The following PDPN variants were observed in gnomAD, a reference collection of about 807,000 sequenced individuals.
PDPN encodes PA2.26 antigen.
A neutral mutation model predicts 23.2 loss-of-function variants in PDPN; 12 were observed. The observed-to-expected ratio is 0.52, with a 90% CI of 0.33 to 0.84. PDPN has a LOEUF of 0.84. Among genes scored for constraint, PDPN ranks in the 40% least tolerant of loss-of-function variants. The pLI, the probability that PDPN is intolerant of heterozygous loss-of-function variation, is 0.02. For missense variants in PDPN, 199 were observed against 212.2 expected (o/e 0.94, Z 0.39); for synonymous variants, 77 against 76.7 (o/e 1.00, Z -0.02).
chr1:13,586,335 G>C (rs1488911692), intron 1 of PDPN, among the ~76,000 whole-genome samples: 1 of 152,298 alleles, frequency 6.6e-6, no homozygotes, highest in African/African-American at 2.4e-5. Flanking sequence ...GATCAGGTCT[G>C]TTAGAGGCTT....
rs529239760 is a variant in PDPN at position 13,608,100 on chromosome 1, C to T, written c.201+794C>T. The stretch of plus-strand genomic sequence containing the variant: ...AGCCTGGGCAACGAGAGTGAAACTC[C>T]GCCTCAAAAAATAAATAAATAAATA... On this transcript the variant is annotated intron_variant, in intron 2 of 5. Transcript: ENST00000621990. Among the ~76,000 whole-genome samples, 46 of 151,516 alleles carry T rather than the reference C, an allele frequency of 3.0e-4. 1 individual carries two copies. The highest frequency in any genetic ancestry group is 1.9e-3 in the South Asian group (9 of 4,790).
In PDPN at chr1:13,583,916, G is replaced by C. The variant is rs1221765222; in HGVS notation, c.-118G>C. 1.2e-6 allele frequency: 2 copies of C among 1,612,138 alleles called. No individual in the cohort carries two copies. The highest frequency in any genetic ancestry group is 2.2e-5 in the East Asian group (1 of 44,882). On this transcript the variant is annotated 5_prime_UTR_variant, in exon 1 of 6. Coordinates refer to ENST00000621990, the MANE Select transcript of PDPN (RefSeq NM_006474.5). ...CCGGGGCTCCTGCTCCCACCCCTCC[G>C]GCCCCCCCACCGTCGCGCTCCTCCA...
intron 1 of PDPN, among the ~76,000 whole-genome samples, chr1:13,596,997 T>C (rs1455865147): frequency 2.6e-5 from 4 of 152,212 alleles, no homozygotes; most frequent in African/African-American, 9.6e-5. Flanking sequence ...ATTTTCAGGC[T>C]TCTGGGCTCA....
In PDPN at chr1:13,609,915, T is replaced by G. The variant is rs189759771; in HGVS notation, c.202-472T>G. ...CCCCATCTCTACTAAATATAGAAAA[T>G]TAGCTGGGTGTGGTGGCGGGCGCCT... On this transcript the variant is annotated intron_variant, in intron 2 of 5. Transcript: ENST00000621990. Among the ~76,000 whole-genome samples, 658 of 151,576 alleles carry G rather than the reference T, an allele frequency of 4.3e-3. 5 individuals carry two copies. The highest frequency in any genetic ancestry group is 0.024 in the Middle Eastern group (7 of 294).
intron 1 of PDPN, among the ~76,000 whole-genome samples, chr1:13,591,341 G>A (rs549090399): frequency 6.6e-6 from 1 of 152,248 alleles, no homozygotes; most frequent in South Asian, 2.1e-4. Context: ...ATATTCACAC[G>A]TTTAAATTGA....
At chr1:13,585,733 G>T (rs1305401124) in intron 1 of PDPN, 69 of 1,001,218 alleles carry the variant, frequency 6.9e-5, no homozygotes, top group Non-Finnish European at 9.5e-5. Flanking sequence ...GGCTGGCTGA[G>T]TGAGGGTGGG....
intron 3 of PDPN, among the ~76,000 whole-genome samples, chr1:13,611,634 G>C (rs1640938125): frequency 2.0e-5 from 3 of 152,174 alleles, no homozygotes; most frequent in Non-Finnish European, 2.9e-5. Context: ...AGATGAAAGG[G>C]GTTCAGGAGG....
At chr1:13,606,455 T>C (rs1259900418) in intron 1 of PDPN, among the ~76,000 whole-genome samples, 1 of 152,208 alleles carries the variant, frequency 6.6e-6, no homozygotes. Flanking sequence ...CCTGTGGTTC[T>C]AATTGTCCAA....
rs756813485 is a variant in PDPN at position 13,617,574 on chromosome 1, T to C, written c.*1663T>C. On this transcript the variant is annotated 3_prime_UTR_variant, in exon 6 of 6. Coordinates refer to ENST00000621990, the MANE Select transcript of PDPN (RefSeq NM_006474.5). ...TTTTAGTAGAGATGGGGTTTCACCG[T>C]ATCGGCGAGGATGATCTCTATCTCT... The C allele has an allele frequency of 6.6e-6, 1 of 152,254 alleles. No homozygotes were observed. The highest frequency in any genetic ancestry group is 2.4e-5 in the African/African-American group (1 of 41,450). The allele number at this position is 152,254 out of a possible 1,614,324, so 9.4% of individuals were successfully genotyped here.
chr1:13,604,598 G>A (rs1449727947), intron 1 of PDPN, among the ~76,000 whole-genome samples: 1 of 140,018 alleles, frequency 7.1e-6, no homozygotes, highest in Non-Finnish European at 1.6e-5. Context: ...ATTTCATTGA[G>A]CACTTGATTT....
At chr1:13,585,972 A>C (rs1640168338) in intron 1 of PDPN, among the ~76,000 whole-genome samples, 1 of 152,040 alleles carries the variant, frequency 6.6e-6, no homozygotes, top group South Asian at 2.1e-4. Context: ...AATCTGGTTC[A>C]GTTTTATAAT....
chr1:13,601,213 G>A (rs1198272162), intron 1 of PDPN, among the ~76,000 whole-genome samples: 1 of 152,216 alleles, frequency 6.6e-6, no homozygotes, highest in African/African-American at 2.4e-5. Flanking sequence ...AGGAGGAAGA[G>A]GGAGCTTACA....
At chr1:13,595,903 A>G (rs943413199) in intron 1 of PDPN, 5 of 1,286,468 alleles carry the variant, frequency 3.9e-6, no homozygotes, top group African/African-American at 1.5e-5. Context: ...AGATAATTTT[A>G]AAGAAGTGTT....
intron 1 of PDPN, chr1:13,585,751 T>C (rs1469394777): frequency 1.2e-6 from 1 of 819,522 alleles, no homozygotes; most frequent in African/African-American, 1.7e-5. Flanking sequence ...GGGTGCTGAG[T>C]TGCCTGGCTG....
At position 13,616,851 on chromosome 1, in the gene PDPN, T is replaced by TG. The variant is rs1308318107; in HGVS notation, c.*940_*941insG. 2 of 152,238 alleles carry TG rather than the reference T, an allele frequency of 1.3e-5. No individual in the cohort carries two copies. Among genetic ancestry groups the TG allele is most frequent in the Non-Finnish European group, 2.9e-5 (2 of 68,048 alleles). 9.4% of individuals were successfully genotyped at this position (152,238 alleles called of 1,614,324 possible). On this transcript the variant is annotated 3_prime_UTR_variant, in exon 6 of 6. Coordinates refer to ENST00000621990, the MANE Select transcript of PDPN (RefSeq NM_006474.5). ...AAGTGTGTTTGAAACCAAGAGCCAG[T>TG]TGTCCCCCATGCAGAAAGAAATCCT...
chr1:13,592,563 T>C (rs1000523061), intron 1 of PDPN, among the ~76,000 whole-genome samples: 24 of 150,820 alleles, frequency 1.6e-4, no homozygotes, highest in Non-Finnish European at 2.8e-4. Flanking sequence ...TTTTTTTTTT[T>C]TTTGAGACAG....
At chr1:13,600,302 C>A (rs2100243638) in intron 1 of PDPN, among the ~76,000 whole-genome samples, 1 of 152,148 alleles carries the variant, frequency 6.6e-6, no homozygotes, top group South Asian at 2.1e-4. Flanking sequence ...TTGGTGAGTC[C>A]AGGGATGCGG....
rs574795355 is a variant in PDPN, at chr1:13,586,503, G to A, written c.67+2403G>A. 1.6e-4 allele frequency among the ~76,000 whole-genome samples: 25 copies of A among 152,226 alleles called. No individual in the cohort carries two copies. In the East Asian group the frequency reaches 4.5e-3, roughly 27 times the overall value. On this transcript the variant is annotated intron_variant, in intron 1 of 5. Transcript: ENST00000621990. The stretch of plus-strand genomic sequence containing the variant: ...TTCCTTTCTTTGGCTTCTGTAAAAT[G>A]AGCAGCACGCGAGTGACTCTACACT...
chr1:13,604,811 A>G lies in PDPN; in HGVS notation c.68-2362A>G, dbSNP rs187194579. 3.7e-4 allele frequency among the ~76,000 whole-genome samples: 56 copies of G among 152,364 alleles called. No homozygotes were observed. In the East Asian group the frequency reaches 0.01, roughly 28 times the overall value. The stretch of plus-strand genomic sequence containing the variant: ...CAAAGGGATATTTCCCATTGAGCTC[A>G]ATAAATACACAGTAAGCGTTTGCCT... On this transcript the variant is annotated intron_variant, in intron 1 of 5. Transcript: ENST00000621990.
Sources: allele counts gnomAD v4.1 joint callset (sites outside exome capture counted in the v4.1 genomes callset), GRCh38; gene constraint gnomAD v4.1.1; transcripts MANE v1.5; gene names NCBI Gene and HGNC (gene_info 2026-07-23, HGNC 2026-07-21).